XIRP2: variants seen among roughly 807,000 people sequenced by gnomAD.
The protein encoded by XIRP2 is xin actin binding repeat containing 2, also known as xin actin-binding repeat-containing protein 2.
Under a neutral mutation model 277.0 loss-of-function variants are expected in XIRP2, and 236 were observed. That is an observed-to-expected ratio of 0.85 (90% CI 0.77 to 0.95). XIRP2 has a LOEUF of 0.95. Ranked by LOEUF, XIRP2 falls within the 40% of genes least tolerant of loss-of-function variation. The pLI is 0.00. For missense variants in XIRP2, 4,640 were observed against 4,157.5 expected, an observed-to-expected ratio of 1.12 and a Z score of -3.19; for synonymous variants, 1,490 against 1,416.5, an observed-to-expected ratio of 1.05 and a Z score of -1.17.
Position 167,032,480 on chromosome 2 carries a change from A to G in XIRP2, c.409-103429A>G, listed in dbSNP as rs188135946. ...TAATTAAACTAAAGAGCTTCTGCAC[A>G]GCAAAAGAACCTATCATCAGAGTGA... On this transcript the variant is annotated intron_variant, in intron 2 of 10. Coordinates refer to ENST00000409195, the MANE Select transcript of XIRP2 (RefSeq NM_152381.6). 1.1e-3 allele frequency among the ~76,000 whole-genome samples: 172 copies of G among 152,344 alleles called. 1 individual carries two copies. The highest frequency in any genetic ancestry group is 1.8e-3 in the Non-Finnish European group (120 of 68,034).
At chr2:167,039,749 T>G (rs1688612460) in intron 2 of XIRP2, among the ~76,000 whole-genome samples, 1 of 152,210 alleles carries the variant, frequency 6.6e-6, no homozygotes, top group African/African-American at 2.4e-5. Context: ...GGAAAAATAT[T>G]TATAATATAT....
chr2:167,042,165 G>T (rs760316675), intron 2 of XIRP2, among the ~76,000 whole-genome samples: 1 of 152,136 alleles, frequency 6.6e-6, no homozygotes, highest in African/African-American at 2.4e-5. Context: ...GACCAGACCT[G>T]CCTTACAACA....
At chr2:167,141,284 T>C (rs1229374560) in intron 3 of XIRP2, among the ~76,000 whole-genome samples, 3 of 152,220 alleles carry the variant, frequency 2.0e-5, no homozygotes, top group Non-Finnish European at 2.9e-5. Flanking sequence ...TGCCCATTCA[T>C]CTGTTCATTC....
Position 166,912,198 on chromosome 2 carries a change from A to C in XIRP2, c.408+8308A>C, listed in dbSNP as rs528790252. ...AGTTCTCCTGGATAATATCCTGCAG[A>C]GTGTTTTCCAACTTGGTTCCATTTT... On this transcript the variant is annotated intron_variant, in intron 2 of 10. Transcript: ENST00000409195. Among the ~76,000 whole-genome samples, 79 of 152,228 alleles carry C rather than the reference A, an allele frequency of 5.2e-4. 1 individual carries two copies. Among genetic ancestry groups the C allele is most frequent in the African/African-American group, 1.8e-3 (74 of 41,524 alleles).
At chr2:167,046,259 G>A (rs887641478) in intron 2 of XIRP2, among the ~76,000 whole-genome samples, 1 of 151,828 alleles carries the variant, frequency 6.6e-6, no homozygotes, top group African/African-American at 2.4e-5. Flanking sequence ...GAGCTTTTGG[G>A]CAGACTATGG....
intron 1 of XIRP2, among the ~76,000 whole-genome samples, chr2:166,897,861 A>G (rs1684283018): frequency 6.6e-6 from 1 of 152,130 alleles, no homozygotes; most frequent in African/African-American, 2.4e-5. Flanking sequence ...TCTAGGCAAT[A>G]GACTTTCAAA....
intron 3 of XIRP2, among the ~76,000 whole-genome samples, chr2:167,186,783 T>G (rs1041055528): frequency 6.6e-6 from 1 of 151,900 alleles, no homozygotes; most frequent in Non-Finnish European, 1.5e-5. Flanking sequence ...CTCTCTAGAA[T>G]TCCTTTCCAC....
chr2:167,239,187 C>CA (rs937365304), intron 5 of XIRP2, among the ~76,000 whole-genome samples: 9 of 151,656 alleles, frequency 5.9e-5, no homozygotes, highest in African/African-American at 9.7e-5. Context: ...TTGTAAACAA[C>CA]AAAAAAAATA....
At chr2:166,913,626 C>G (rs139556159) in intron 2 of XIRP2, among the ~76,000 whole-genome samples, 111 of 152,278 alleles carry the variant, frequency 7.3e-4, no homozygotes, top group African/African-American at 2.6e-3. Context: ...TCTCCATGTT[C>G]TATTGATCAA....
chr2:167,154,812 T>C (rs1214430414), intron 3 of XIRP2, among the ~76,000 whole-genome samples: 2 of 151,886 alleles, frequency 1.3e-5, no homozygotes, highest in Non-Finnish European at 2.9e-5. Flanking sequence ...CAGGAGCTGG[T>C]TTTTTGAAAG....
chr2:167,036,567 A>G (rs1459384727), intron 2 of XIRP2, among the ~76,000 whole-genome samples: 7 of 152,122 alleles, frequency 4.6e-5, no homozygotes, highest in Non-Finnish European at 8.8e-5. Flanking sequence ...CTTTGATTTT[A>G]CAGGCTCATA....
chr2:167,035,472 C>T (rs1688484626), intron 2 of XIRP2, among the ~76,000 whole-genome samples: 1 of 152,106 alleles, frequency 6.6e-6, no homozygotes, highest in South Asian at 2.1e-4. Context: ...AGGCATTTTG[C>T]CCCTGCCTTA....
rs1687742566 is a variant in XIRP2, at chr2:167,013,611, A to G, written c.408+109721A>G. ...TAAAGACTATATATATATGTGAAAT[A>G]TAAATGAATGTACTAATTATAACAT... On this transcript the variant is annotated intron_variant, in intron 2 of 10. Coordinates refer to ENST00000409195, the MANE Select transcript of XIRP2 (RefSeq NM_152381.6). Among the ~76,000 whole-genome samples, 3 of 151,764 alleles carry G rather than the reference A, an allele frequency of 2.0e-5. No individual in the cohort carries two copies. In the South Asian group the frequency reaches 6.2e-4, roughly 31 times the overall value.
chr2:166,905,279 A>C (rs1374219821), intron 2 of XIRP2, among the ~76,000 whole-genome samples: 3 of 151,982 alleles, frequency 2.0e-5, no homozygotes, highest in Admixed American at 6.6e-5. Context: ...TCTTGACTTT[A>C]CTGTAATAAT....
At chr2:166,941,952 T>C (rs1685732140) in intron 2 of XIRP2, among the ~76,000 whole-genome samples, 1 of 152,196 alleles carries the variant, frequency 6.6e-6, no homozygotes, top group Non-Finnish European at 1.5e-5. Flanking sequence ...ATATAACGTA[T>C]TTATCTGGTT....
chr2:167,128,652 C>T (rs1203156621), intron 2 of XIRP2, among the ~76,000 whole-genome samples: 1 of 152,052 alleles, frequency 6.6e-6, no homozygotes. Flanking sequence ...AAATCTAATC[C>T]CGCCACCCCC....
intron 2 of XIRP2, among the ~76,000 whole-genome samples, chr2:166,912,192 C>G (rs1319440383): frequency 6.6e-6 from 1 of 152,162 alleles, no homozygotes; most frequent in East Asian, 1.9e-4. Context: ...GGATAATATC[C>G]TGCAGAGTGT....
At chr2:167,030,720 T>C (rs751880304) in intron 2 of XIRP2, among the ~76,000 whole-genome samples, 10 of 152,164 alleles carry the variant, frequency 6.6e-5, no homozygotes, top group Admixed American at 3.9e-4. Flanking sequence ...CAGATGTCTA[T>C]TGGGTCCGCT....
At chr2:167,146,811 G>T (rs1165299415) in intron 3 of XIRP2, among the ~76,000 whole-genome samples, 1 of 151,918 alleles carries the variant, frequency 6.6e-6, no homozygotes, top group African/African-American at 2.4e-5. Context: ...TATACCTGTA[G>T]ACAAAAGATA....
Sources: gnomAD v4.1 joint callset for allele counts (sites outside exome capture counted in the v4.1 genomes callset) on GRCh38, gnomAD v4.1.1 for gene constraint, MANE v1.5 for transcripts, NCBI Gene and HGNC (gene_info 2026-07-23, HGNC 2026-07-21) for gene names.